The following ZNF804A variants were observed in gnomAD, a reference collection of about 807,000 sequenced individuals.
The protein encoded by ZNF804A is zinc finger protein 804A.
ZNF804A carries 2 observed loss-of-function variants against 16.5 expected under a neutral mutation model. The ratio of observed to expected loss-of-function variants is 0.12; its 90% CI spans 0.05 to 0.38. The LOEUF (loss-of-function observed/expected upper bound fraction) is 0.38. Ranked by LOEUF, ZNF804A falls within the 10% of genes least tolerant of loss-of-function variation. The pLI is 0.99. For missense variants in ZNF804A, 1,473 were observed against 1,390.7 expected (o/e 1.06, Z -0.94); for synonymous variants, 534 against 489.6 (o/e 1.09, Z -1.20).
intron 1 of ZNF804A, among the ~76,000 whole-genome samples, chr2:184,658,708 T>C (rs537277397): frequency 1.3e-5 from 2 of 152,262 alleles, no homozygotes; most frequent in Non-Finnish European, 2.9e-5. Flanking sequence ...TCCCTAGAAG[T>C]TGGAAAATGA....
intron 1 of ZNF804A, among the ~76,000 whole-genome samples, chr2:184,749,667 G>A (rs1292960859): frequency 6.6e-6 from 1 of 151,198 alleles, no homozygotes; most frequent in African/African-American, 2.4e-5. Flanking sequence ...GCTCACAATT[G>A]TAATGATTCA....
intron 1 of ZNF804A, among the ~76,000 whole-genome samples, chr2:184,745,082 A>G (rs576001827): frequency 3.2e-4 from 49 of 151,960 alleles, no homozygotes; most frequent in African/African-American, 1.2e-3. Flanking sequence ...ATTATACTTT[A>G]TATTACTTAC....
At chr2:184,610,381 C>G (rs1691216440) in intron 1 of ZNF804A, among the ~76,000 whole-genome samples, 1 of 152,042 alleles carries the variant, frequency 6.6e-6, no homozygotes, top group Non-Finnish European at 1.5e-5. Flanking sequence ...AAGTCTGAAA[C>G]TCTGGGAGTT....
At chr2:184,866,247 C>A (rs1417238221) in intron 1 of ZNF804A, 122 bp from the exon 2 acceptor site, 5 of 808,650 alleles carry the variant, frequency 6.2e-6, no homozygotes, top group Non-Finnish European at 9.1e-6. Flanking sequence ...TATTTGCTTT[C>A]TTTTTCTCTT....
chr2:184,679,658 T>C (rs1692504968), intron 1 of ZNF804A, among the ~76,000 whole-genome samples: 2 of 152,192 alleles, frequency 1.3e-5, no homozygotes, highest in African/African-American at 4.8e-5. Context: ...TGTTGCAGCC[T>C]GGCTCAGTGT....
chr2:184,862,008 C>T (rs949331603), intron 1 of ZNF804A, among the ~76,000 whole-genome samples: 5 of 152,136 alleles, frequency 3.3e-5, no homozygotes, highest in Admixed American at 6.5e-5. Flanking sequence ...TGACTCGTTG[C>T]AGGAAGATTG....
At chr2:184,772,487 ATATTT>A (rs1256370698) in intron 1 of ZNF804A, among the ~76,000 whole-genome samples, 1 of 151,980 alleles carries the variant, frequency 6.6e-6, no homozygotes, top group Non-Finnish European at 1.5e-5. Flanking sequence ...TAGCTGAATA[ATATTT>A]TATTAGCTAT....
At position 184,720,173 on chromosome 2, in the gene ZNF804A, T is replaced by A. The variant is rs533974648; in HGVS notation, c.111+121103T>A. Among the ~76,000 whole-genome samples the A allele has an allele frequency of 2.0e-5, 3 of 152,178 alleles. No individual in the cohort carries two copies. In the East Asian group the frequency reaches 5.8e-4, roughly 29 times the overall value. ...ATCTCATGAGACTCATTGACTATCA[T>A]GAGAACAGTGCAGGAAAAACCCGCT... On this transcript the variant is annotated intron_variant, in intron 1 of 3. Transcript: ENST00000302277.
chr2:184,882,934 T>A (rs1238817330), intron 2 of ZNF804A, among the ~76,000 whole-genome samples: 1 of 151,406 alleles, frequency 6.6e-6, no homozygotes, highest in African/African-American at 2.4e-5. Flanking sequence ...ATAACTGAAA[T>A]CAGAGCTGGA....
At chr2:184,828,104 G>A (rs1479013686) in intron 1 of ZNF804A, among the ~76,000 whole-genome samples, 2 of 151,578 alleles carry the variant, frequency 1.3e-5, no homozygotes, top group African/African-American at 4.8e-5. Flanking sequence ...ATAATTTTAT[G>A]GAAGATACAG....
intron 1 of ZNF804A, among the ~76,000 whole-genome samples, chr2:184,732,960 A>G (rs945776783): frequency 6.6e-6 from 1 of 152,122 alleles, no homozygotes; most frequent in African/African-American, 2.4e-5. Context: ...TACATAGATG[A>G]TCATGTCATC....
At chr2:184,677,858 G>A (rs1287490563) in intron 1 of ZNF804A, among the ~76,000 whole-genome samples, 5 of 151,916 alleles carry the variant, frequency 3.3e-5, no homozygotes, top group African/African-American at 1.2e-4. Context: ...TTTTTATCCT[G>A]TTTCTATTGG....
intron 1 of ZNF804A, among the ~76,000 whole-genome samples, chr2:184,755,715 T>A (rs1693949677): frequency 6.6e-6 from 1 of 151,964 alleles, no homozygotes; most frequent in African/African-American, 2.4e-5. Context: ...TAAAGCCCAT[T>A]TTAATGTAAA....
intron 1 of ZNF804A, among the ~76,000 whole-genome samples, chr2:184,634,074 G>A (rs1344324555): frequency 6.6e-6 from 1 of 152,142 alleles, no homozygotes; most frequent in East Asian, 1.9e-4. Flanking sequence ...AAGTATTGAA[G>A]TTATAAAACT....
chr2:184,807,299 G>C (rs550827018), intron 1 of ZNF804A, among the ~76,000 whole-genome samples: 125 of 151,954 alleles, frequency 8.2e-4, no homozygotes, highest in African/African-American at 3.0e-3. Context: ...CTATCAACTT[G>C]TGAAGTTTGG....
intron 1 of ZNF804A, among the ~76,000 whole-genome samples, chr2:184,740,669 T>C (rs1693696888): frequency 1.3e-5 from 2 of 152,168 alleles, no homozygotes; most frequent in Non-Finnish European, 1.5e-5. Flanking sequence ...ATTTGTAATT[T>C]AGTTAGTAAA....
At position 184,780,675 on chromosome 2, in the gene ZNF804A, A is replaced by C. The variant is rs558965037; in HGVS notation, c.112-85694A>C. ...AGAGCTTCTTATACTGTTGAAGTGA[A>C]ACGAAGAAAAGCTTTTTTATCTTGG... On this transcript the variant is annotated intron_variant, in intron 1 of 3. Coordinates refer to ENST00000302277, the MANE Select transcript of ZNF804A (RefSeq NM_194250.2). Among the ~76,000 whole-genome samples, 7 of 151,904 alleles carry C rather than the reference A, an allele frequency of 4.6e-5. No individual in the cohort carries two copies. The East Asian group carries it at 1.4e-3, about 30-fold the overall frequency.
chr2:184,918,924 C>T (rs937381693), intron 2 of ZNF804A, among the ~76,000 whole-genome samples: 1 of 152,032 alleles, frequency 6.6e-6, no homozygotes, highest in Non-Finnish European at 1.5e-5. Context: ...TATCTTTTTT[C>T]ACCCATTCTT....
intron 2 of ZNF804A, among the ~76,000 whole-genome samples, chr2:184,879,965 T>A (rs570462380): frequency 6.6e-6 from 1 of 152,062 alleles, no homozygotes; most frequent in African/African-American, 2.4e-5. Context: ...ATTTTTCACA[T>A]TTTTTTCTAA....
Sources: allele counts gnomAD v4.1 joint callset (sites outside exome capture counted in the v4.1 genomes callset), GRCh38; gene constraint gnomAD v4.1.1; transcripts MANE v1.5; gene names NCBI Gene and HGNC (gene_info 2026-07-23, HGNC 2026-07-21).